Variants in AKAP8L observed in about 807,000 individuals in gnomAD.
AKAP8L encodes the protein A-kinase anchor protein 8-like.
AKAP8L carries 34 observed loss-of-function variants against 77.5 expected under a neutral mutation model. That is an observed-to-expected ratio of 0.44 (90% CI 0.33 to 0.58). The LOEUF (loss-of-function observed/expected upper bound fraction) is 0.58, where lower values mean the gene tolerates loss of function less well. Among genes scored for constraint, AKAP8L ranks in the 20% least tolerant of loss-of-function variants. The probability of loss-of-function intolerance (pLI) is 0.02; values close to 1 mark genes in which losing one functional copy is unlikely to be tolerated. For missense variants in AKAP8L, 806 were observed against 887.6 expected, an observed-to-expected ratio of 0.91 and a Z score of 1.17; for synonymous variants, 342 against 340.7, an observed-to-expected ratio of 1.00 and a Z score of -0.04.
At chr19:15,395,801 G>A (rs1355013987) in intron 12 of AKAP8L, among the ~76,000 whole-genome samples, 4 of 142,552 alleles carry the variant, frequency 2.8e-5, no homozygotes, top group African/African-American at 7.7e-5. Flanking sequence ...TGGCTAACAC[G>A]GTGAAACCCC....
At chr19:15,410,978 A>T (rs535546927) in intron 1 of AKAP8L, among the ~76,000 whole-genome samples, 1 of 152,072 alleles carries the variant, frequency 6.6e-6, no homozygotes, top group Non-Finnish European at 1.5e-5. Context: ...ATTCGCAGCT[A>T]ATTTTTATAC....
chr19:15,409,780 A>G (rs1006978587), intron 2 of AKAP8L, among the ~76,000 whole-genome samples: 1 of 151,956 alleles, frequency 6.6e-6, no homozygotes, highest in African/African-American at 2.4e-5. Flanking sequence ...AAACTCAATC[A>G]GAGATCTTCA....
chr19:15,388,893 G>A (rs995208925), intron 12 of AKAP8L, among the ~76,000 whole-genome samples: 2 of 149,356 alleles, frequency 1.3e-5, no homozygotes, highest in Non-Finnish European at 3.0e-5. Flanking sequence ...TCCAGCCTGG[G>A]CGACAGAGCT....
At chr19:15,407,593 A>G (rs1031034453) in intron 2 of AKAP8L, among the ~76,000 whole-genome samples, 2 of 152,220 alleles carry the variant, frequency 1.3e-5, no homozygotes, top group African/African-American at 4.8e-5. Context: ...CAAATCAAAT[A>G]GCAATCAAAT....
At position 15,399,697 on chromosome 19, in the gene AKAP8L, A is replaced by G; in HGVS notation, c.1049-287T>C. On this transcript the variant is annotated intron_variant, in intron 8 of 13. Transcript: ENST00000397410. This position sits in a 1 kb window ranked among gnomAD's most constrained non-coding sequence, Gnocchi z 6.1. ...GGAGGCTGGAAAGCAAAGAGGGGGT[A>G]TCTTTGTGGGGACACTGGCACATGT... 2 of 453,232 alleles carry G rather than the reference A, an allele frequency of 4.4e-6. No individual in the cohort carries two copies. The highest frequency in any genetic ancestry group is 8.1e-6 in the Non-Finnish European group (2 of 246,808). 28.1% of individuals were successfully genotyped at this position (453,232 alleles called of 1,614,324 possible).
intron 1 of AKAP8L, 122 bp from the exon 2 acceptor site, chr19:15,410,716 C>A (rs1185402615): frequency 2.9e-6 from 2 of 699,984 alleles, no homozygotes; most frequent in African/African-American, 3.6e-5. Flanking sequence ...GCCACCAAAA[C>A]CTCTAGATTC....
At chr19:15,405,320 G>A (rs1020673092) in intron 2 of AKAP8L, among the ~76,000 whole-genome samples, 4 of 152,162 alleles carry the variant, frequency 2.6e-5, no homozygotes, top group African/African-American at 9.7e-5. Flanking sequence ...GATCACCTGA[G>A]GTCAGGAGTT....
rs375400552 is a variant in AKAP8L at position 15,403,566 on chromosome 19, C to T, written c.271G>A (p.Val91Ile). ...SASGSASADS[V>I]LSRINQRLDM... ...AAGCGCTGGTTAATTCTGGATAAAA[C>T]GGAATCGGCACTGGCGCTACCCGAG... The change falls in exon 4 of 14, where the codon GTT (valine) becomes ATT (isoleucine). Residue 91 changes from valine (V) to isoleucine (I), a missense_variant. Physicochemically the swap from Val to Ile is conservative, Grantham distance 29 (BLOSUM62 3). Around this residue, in one of 2 missense-constraint regions of AKAP8L, gnomAD observed 580 missense variants for 694.1 expected, o/e 0.84. Coordinates refer to ENST00000397410, the MANE Select transcript of AKAP8L (RefSeq NM_014371.4). This position sits in a 1 kb window ranked among gnomAD's most constrained non-coding sequence, Gnocchi z 4.3. 5.0e-6 allele frequency: 8 copies of T among 1,613,968 alleles called. No individual in the cohort carries two copies. Among genetic ancestry groups the T allele is most frequent in the South Asian group, 4.4e-5 (4 of 91,080 alleles).
chr19:15,385,115 C>G (rs1180433388), intron 12 of AKAP8L, among the ~76,000 whole-genome samples: 2 of 152,048 alleles, frequency 1.3e-5, no homozygotes, highest in African/African-American at 2.4e-5. Context: ...GTAGCTGGGA[C>G]TACAGGCGCC....
chr19:15,394,529 T>G (rs1439202909), intron 12 of AKAP8L, among the ~76,000 whole-genome samples: 2 of 151,960 alleles, frequency 1.3e-5, no homozygotes, highest in African/African-American at 4.8e-5. Context: ...AACCAATGAA[T>G]TGGTTTTTTT....
chr19:15,393,718 C>T (rs1030347029), intron 12 of AKAP8L, among the ~76,000 whole-genome samples: 1 of 151,888 alleles, frequency 6.6e-6, no homozygotes, highest in Admixed American at 6.6e-5. Context: ...GTCGGGAGTT[C>T]GCGATCAGAC....
In AKAP8L at chr19:15,399,608, G is replaced by C. The variant is rs544962751; in HGVS notation, c.1049-198C>G. 1 of 593,282 alleles carries C rather than the reference G, an allele frequency of 1.7e-6. No homozygotes were observed. The highest frequency in any genetic ancestry group is 3.0e-6 in the Non-Finnish European group (1 of 331,358). 36.8% of individuals were successfully genotyped at this position (593,282 alleles called of 1,614,324 possible). On this transcript the variant is annotated intron_variant, in intron 8 of 13. Transcript: ENST00000397410. The surrounding 1 kb of genome is among the most constrained non-coding windows in gnomAD (Gnocchi z 6.1). ...GGGTTTGGCCTAGGCCCCAAGGAGT[G>C]GGGGCCAGGCGATGACCCCTCCACT...
Position 15,403,193 on chromosome 19 carries a change from T to G in AKAP8L, c.362+282A>C, listed in dbSNP as rs1967932270. 2.1e-6 allele frequency: 1 copy of G among 473,294 alleles called. No individual in the cohort carries two copies. Among genetic ancestry groups the G allele is most frequent in the African/African-American group, 2.0e-5 (1 of 50,844 alleles). 29.3% of individuals were successfully genotyped at this position (473,294 alleles called of 1,614,324 possible). On this transcript the variant is annotated intron_variant, in intron 4 of 13. Coordinates refer to ENST00000397410, the MANE Select transcript of AKAP8L (RefSeq NM_014371.4). This position sits in a 1 kb window ranked among gnomAD's most constrained non-coding sequence, Gnocchi z 4.3. Reference sequence around the variant, plus strand: ...CTTGGAGGGAGGGGTGGCTGAACACTCTGTTTTTGAGGGCACAGTGAAGTC... The same window carrying G: ...CTTGGAGGGAGGGGTGGCTGAACACGCTGTTTTTGAGGGCACAGTGAAGTC...
chr19:15,399,171 A>G lies in AKAP8L; in HGVS notation c.1157+131T>C, dbSNP rs1967837322. The G allele has an allele frequency of 2.5e-6, 2 of 784,964 alleles. No individual in the cohort carries two copies. The highest frequency in any genetic ancestry group is 4.2e-5 in the Admixed American group (2 of 47,762). 48.6% of individuals were successfully genotyped at this position (784,964 alleles called of 1,614,324 possible). ...CTGGGCCTGGCGGGAAGCAGGGTCC[A>G]TGCACGGCCGAGCAGGTGGCGGCTC... On this transcript the variant is annotated intron_variant, in intron 9 of 13. Transcript: ENST00000397410. The surrounding 1 kb of genome is among the most constrained non-coding windows in gnomAD (Gnocchi z 6.1).
intron 1 of AKAP8L, among the ~76,000 whole-genome samples, chr19:15,414,348 C>T (rs533631244): frequency 4.6e-5 from 7 of 152,102 alleles, no homozygotes; most frequent in Admixed American, 6.5e-5. Context: ...TGAGCCACCA[C>T]GCCCGGCCTA....
At chr19:15,400,128 G>T (rs756887592) in intron 8 of AKAP8L, 167 bp downstream of exon 8, 3 of 655,938 alleles carry the variant, frequency 4.6e-6, no homozygotes, top group Non-Finnish European at 8.0e-6. Flanking sequence ...GAGTGGGAAG[G>T]GGGTGGAGGC....
intron 12 of AKAP8L, chr19:15,380,892 A>C: frequency 2.2e-6 from 1 of 460,544 alleles, no homozygotes; most frequent in Non-Finnish European, 3.9e-6. Context: ...TTGCTTACAA[A>C]AAAGCTATAA....
intron 1 of AKAP8L, among the ~76,000 whole-genome samples, chr19:15,413,636 T>C (rs1280121382): frequency 6.6e-6 from 1 of 152,196 alleles, no homozygotes; most frequent in East Asian, 1.9e-4. Flanking sequence ...AGAGCAGCTT[T>C]GAAGAGTTCA....
At chr19:15,400,631 G>A in intron 7 of AKAP8L, 163 bp downstream of exon 7, 1 of 908,358 alleles carries the variant, frequency 1.1e-6, no homozygotes. Flanking sequence ...TGTGCCTCCA[G>A]CTAGGCAGCC....
Sources: gnomAD v4.1 joint callset for allele counts (sites outside exome capture counted in the v4.1 genomes callset) on GRCh38, gnomAD v4.1.1 for gene constraint, gnomAD v4.1.1 regional missense constraint, Gnocchi (gnomAD v3.1) non-coding constraint, MANE v1.5 for transcripts, NCBI Gene and HGNC (gene_info 2026-07-23, HGNC 2026-07-21) for gene names.